The following PCNX2 variants were observed in gnomAD, a reference collection of about 807,000 sequenced individuals.
PCNX2 encodes pecanex-like protein 2.
In PCNX2, 168 loss-of-function variants were observed where a neutral mutation model predicts 223.8. The ratio of observed to expected loss-of-function variants is 0.75; its 90% CI spans 0.66 to 0.85. The LOEUF (loss-of-function observed/expected upper bound fraction) is 0.85. Ranked by LOEUF, PCNX2 falls within the 40% of genes least tolerant of loss-of-function variation. The probability of loss-of-function intolerance (pLI) is 0.00; values close to 1 mark genes in which losing one functional copy is unlikely to be tolerated. For synonymous variants in PCNX2, 1,006 were observed against 1,052.6 expected, an observed-to-expected ratio of 0.96 and a Z score of 0.86; for missense variants, 2,507 against 2,675.5, an observed-to-expected ratio of 0.94 and a Z score of 1.39.
chr1:233,278,316 C>G (rs1661017940), intron 1 of PCNX2, among the ~76,000 whole-genome samples: 1 of 152,230 alleles, frequency 6.6e-6, no homozygotes, highest in South Asian at 2.1e-4. Flanking sequence ...GAGGGCAAGT[C>G]TGCAGAGAAG....
chr1:232,986,396 C>T lies in PCNX2; in HGVS notation c.5936G>A (p.Arg1979Lys), dbSNP rs775281012. 1 of 1,604,676 alleles carries T rather than the reference C, an allele frequency of 6.2e-7. No individual in the cohort carries two copies. The highest frequency in any genetic ancestry group is 8.5e-7 in the Non-Finnish European group (1 of 1,175,552). Residue 1979 changes from arginine (R) to lysine (K), a missense_variant, in exon 33 of 34, where the codon AGG becomes AAG. Transcript: ENST00000258229. ...CAAGGAGAGCCGGCTGCCCGAGAGC[C>T]TCTGGGCCAGCTCGTGCACTGAGGT... ...TSTSVHELAQ[R>K]LSGSRLSLHA...
In PCNX2 at chr1:233,247,248, T is replaced by G. The variant is rs563514264; in HGVS notation, c.2222+3491A>C. Among the ~76,000 whole-genome samples the G allele has an allele frequency of 4.6e-5, 7 of 152,346 alleles. No homozygotes were observed. In the East Asian group the frequency reaches 1.4e-3, roughly 29 times the overall value. On this transcript the variant is annotated intron_variant, in intron 8 of 33. Transcript: ENST00000258229. ...TTTGCTAAGTGAAGGGACTGGAGTT[T>G]TGTGCTCATGCATCTGACAGGAAGC...
chr1:233,076,336 T>C (rs1451660811), intron 23 of PCNX2, among the ~76,000 whole-genome samples: 1 of 152,246 alleles, frequency 6.6e-6, no homozygotes, highest in Non-Finnish European at 1.5e-5. Context: ...GCTTTTGACA[T>C]GCATTTCCCC....
intron 12 of PCNX2, among the ~76,000 whole-genome samples, chr1:233,213,832 T>C (rs1248970327): frequency 7.3e-6 from 1 of 137,226 alleles, no homozygotes; most frequent in African/African-American, 2.8e-5. Flanking sequence ...TTTTTTTTTT[T>C]TTTTTTTTTT....
At chr1:233,092,903 A>T (rs1249163865) in intron 22 of PCNX2, among the ~76,000 whole-genome samples, 1 of 152,082 alleles carries the variant, frequency 6.6e-6, no homozygotes, top group Non-Finnish European at 1.5e-5. Flanking sequence ...GGTTCAAGCG[A>T]TTCTCTTGCC....
the PCNX2 span, among the ~76,000 whole-genome samples, chr1:233,316,139 A>G: frequency 6.2e-4 from 94 of 152,336 alleles, no homozygotes; most frequent in Admixed American, 1.2e-3. Context: ...GGCCCTTGCT[A>G]TAATCTGTAA....
chr1:233,241,208 A>G (rs1281801309), intron 8 of PCNX2: 2 of 985,410 alleles, frequency 2.0e-6, no homozygotes, highest in Admixed American at 1.2e-4. Flanking sequence ...TGAGTATCGG[A>G]GAAAAAGGCA....
intron 19 of PCNX2, among the ~76,000 whole-genome samples, chr1:233,146,309 C>T (rs2102790796): frequency 6.6e-6 from 1 of 152,090 alleles, no homozygotes; most frequent in East Asian, 1.9e-4. Flanking sequence ...ATGATTATTA[C>T]CTTATCATTT....
intron 17 of PCNX2, among the ~76,000 whole-genome samples, chr1:233,176,883 C>T (rs2002477): frequency 0.059 from 8,937 of 152,184 alleles, 521 homozygotes; most frequent in East Asian, 0.31. Flanking sequence ...GGCATGGTGG[C>T]GGGCACCTGT....
intron 19 of PCNX2, among the ~76,000 whole-genome samples, chr1:233,142,233 G>T (rs1677172653): frequency 6.6e-6 from 1 of 152,026 alleles, no homozygotes; most frequent in African/African-American, 2.4e-5. Context: ...AAGCATGTGG[G>T]CTGTCACATA....
chr1:233,088,969 G>A (rs896884566), intron 23 of PCNX2, among the ~76,000 whole-genome samples: 1 of 152,190 alleles, frequency 6.6e-6, no homozygotes, highest in Non-Finnish European at 1.5e-5. Flanking sequence ...TGAGGAAAAG[G>A]AGGCCTGAAA....
At chr1:233,242,883 A>G (rs1658862030) in intron 8 of PCNX2, among the ~76,000 whole-genome samples, 1 of 152,228 alleles carries the variant, frequency 6.6e-6, no homozygotes, top group African/African-American at 2.4e-5. Flanking sequence ...TCTGGGTAAT[A>G]AAATACTCAA....
At chr1:233,141,697 A>ATG (rs1311269509) in intron 19 of PCNX2, among the ~76,000 whole-genome samples, 1 of 110,582 alleles carries the variant, frequency 9.0e-6, no homozygotes, top group Non-Finnish European at 1.7e-5. Context: ...ATATATATAT[A>ATG]TGTGTGTGTA....
At chr1:233,172,332 A>C in intron 17 of PCNX2, 1 of 981,708 alleles carries the variant, frequency 1.0e-6, no homozygotes, top group Non-Finnish European at 1.2e-6. Flanking sequence ...TTCTGCCATG[A>C]GGCGTTTCCA....
At chr1:233,257,274 A>G (rs6681675) in intron 5 of PCNX2, among the ~76,000 whole-genome samples, 4,283 of 120,628 alleles carry the variant, frequency 0.036, 109 homozygotes, top group African/African-American at 0.08. Context: ...TACTTGGGAA[A>G]GCAAGTGAAA....
At chr1:233,053,482 G>T (rs1672078768) in intron 25 of PCNX2, among the ~76,000 whole-genome samples, 1 of 152,136 alleles carries the variant, frequency 6.6e-6, no homozygotes, top group African/African-American at 2.4e-5. Flanking sequence ...AAGTTTGTCT[G>T]TTTACTTGTT....
At chr1:233,022,180 C>T (rs1023705755) in intron 26 of PCNX2, among the ~76,000 whole-genome samples, 1 of 152,202 alleles carries the variant, frequency 6.6e-6, no homozygotes, top group African/African-American at 2.4e-5. Context: ...GTGCCTGCAG[C>T]AGGCCACCAG....
rs377541137 is a variant in PCNX2, at chr1:233,054,347, A to G, written c.4272T>C (p.Asp1424=). ...SSGDCFILAS[D]DLNAFVHLIE... ...TCAGGTGAACAAAGGCATTGAGGTC[A>G]TCTGAAGCCAAAATAAAGCAATCGC... Residue 1424 remains aspartate (D), a synonymous_variant, in exon 25 of 34, where the codon GAT becomes GAC. Coordinates refer to ENST00000258229, the MANE Select transcript of PCNX2 (RefSeq NM_014801.4). 3.8e-5 allele frequency: 61 copies of G among 1,613,962 alleles called. No homozygotes were observed. In the South Asian group the frequency reaches 6.4e-4, roughly 17 times the overall value.
chr1:233,290,536 A>T (rs1661701406), intron 1 of PCNX2, among the ~76,000 whole-genome samples: 1 of 152,216 alleles, frequency 6.6e-6, no homozygotes, highest in Admixed American at 6.5e-5. Context: ...CATTGATTGA[A>T]AAAAGAGGAA....
Sources: allele counts gnomAD v4.1 joint callset (sites outside exome capture counted in the v4.1 genomes callset), GRCh38; gene constraint gnomAD v4.1.1; transcripts MANE v1.5; gene names NCBI Gene and HGNC (gene_info 2026-07-23, HGNC 2026-07-21).